The following ATXN7L1 variants were observed in gnomAD, a reference collection of about 807,000 sequenced individuals.
ATXN7L1 encodes the protein ataxin 7 like 1.
In ATXN7L1, 15 loss-of-function variants were observed where a neutral mutation model predicts 70.8. That is an observed-to-expected ratio of 0.21 (90% confidence interval 0.14 to 0.33). The LOEUF (loss-of-function observed/expected upper bound fraction) is 0.33. ATXN7L1 is among the 10% of genes least tolerant of loss of function. The probability of loss-of-function intolerance (pLI) is 1.00; values close to 1 mark genes in which losing one functional copy is unlikely to be tolerated. For synonymous variants in ATXN7L1, 440 were observed against 445.1 expected (o/e 0.99, Z 0.14); for missense variants, 975 against 1,097.1 (o/e 0.89, Z 1.57).
At chr7:105,609,932 C>T (rs1246983485) in intron 11 of ATXN7L1, among the ~76,000 whole-genome samples, 6 of 152,104 alleles carry the variant, frequency 3.9e-5, no homozygotes, top group East Asian at 3.9e-4. Flanking sequence ...CCACCACGCC[C>T]GGTTACTTTT....
At chr7:105,690,298 C>A (rs966552535) in intron 3 of ATXN7L1, among the ~76,000 whole-genome samples, 1 of 152,032 alleles carries the variant, frequency 6.6e-6, no homozygotes, top group East Asian at 1.9e-4. Flanking sequence ...AGCCACCGCG[C>A]CCAGCAAAAA....
intron 2 of ATXN7L1, among the ~76,000 whole-genome samples, chr7:105,833,986 A>C (rs923375049): frequency 1.3e-5 from 2 of 152,202 alleles, no homozygotes; most frequent in African/African-American, 4.8e-5. Flanking sequence ...AGTATTCAAC[A>C]TGGTTTACTG....
chr7:105,845,575 A>G (rs529144554), intron 2 of ATXN7L1, among the ~76,000 whole-genome samples: 5 of 151,762 alleles, frequency 3.3e-5, no homozygotes, highest in Non-Finnish European at 7.4e-5. Flanking sequence ...TGGAAATTCA[A>G]GAAGTTCCTA....
At chr7:105,718,172 G>A (rs1214209888) in intron 3 of ATXN7L1, among the ~76,000 whole-genome samples, 2 of 152,118 alleles carry the variant, frequency 1.3e-5, no homozygotes, top group Non-Finnish European at 2.9e-5. Flanking sequence ...ATGATAGAGC[G>A]GCACCTTGGA....
intron 10 of ATXN7L1, among the ~76,000 whole-genome samples, chr7:105,611,157 G>A (rs1793117517): frequency 6.6e-6 from 1 of 152,204 alleles, no homozygotes; most frequent in Non-Finnish European, 1.5e-5. Flanking sequence ...CCTTCATGTG[G>A]ATGGAGGACA....
At chr7:105,815,875 C>T (rs904218060) in intron 2 of ATXN7L1, among the ~76,000 whole-genome samples, 1 of 152,158 alleles carries the variant, frequency 6.6e-6, no homozygotes, top group Non-Finnish European at 1.5e-5. Context: ...GAGCGTTTGG[C>T]AGATGCCACT....
intron 2 of ATXN7L1, among the ~76,000 whole-genome samples, chr7:105,830,571 A>G (rs1251507911): frequency 6.6e-6 from 1 of 152,278 alleles, no homozygotes; most frequent in Non-Finnish European, 1.5e-5. Context: ...GCCCCACATC[A>G]AAACAGTAAA....
intron 3 of ATXN7L1, among the ~76,000 whole-genome samples, chr7:105,767,406 C>T (rs918039881): frequency 6.6e-6 from 1 of 152,178 alleles, no homozygotes; most frequent in African/African-American, 2.4e-5. Flanking sequence ...CTGCTTCTCT[C>T]CCGCCATGCG....
chr7:105,685,088 A>G (rs182518825), intron 3 of ATXN7L1, among the ~76,000 whole-genome samples: 1,392 of 129,878 alleles, frequency 0.011, 27 homozygotes, highest in African/African-American at 0.038. Context: ...ATAATAATAA[A>G]TGGTTTTCCA....
intron 7 of ATXN7L1, among the ~76,000 whole-genome samples, chr7:105,629,670 C>A (rs1020653391): frequency 6.6e-6 from 1 of 151,132 alleles, no homozygotes; most frequent in African/African-American, 2.4e-5. Context: ...CACCTGCCAC[C>A]ACGCCCGGCT....
chr7:105,740,402 C>CGGAA (rs1227507429), intron 3 of ATXN7L1, among the ~76,000 whole-genome samples: 1 of 152,160 alleles, frequency 6.6e-6, no homozygotes, highest in Non-Finnish European at 1.5e-5. Flanking sequence ...CTCTCTGGGG[C>CGGAA]TTCCAGAACA....
At chr7:105,735,873 A>G (rs1051880171) in intron 3 of ATXN7L1, among the ~76,000 whole-genome samples, 1 of 152,176 alleles carries the variant, frequency 6.6e-6, no homozygotes, top group Non-Finnish European at 1.5e-5. Context: ...TCAAATCTAT[A>G]TTAATCAAGC....
intron 3 of ATXN7L1, among the ~76,000 whole-genome samples, chr7:105,699,606 AGTGCAACCTAGTATTGCAGATAT>A: frequency 6.6e-6 from 1 of 152,360 alleles, no homozygotes; most frequent in East Asian, 1.9e-4. Flanking sequence ...TGAATTTTAC[AGTGCAACCTAGTATTGCAGATAT>A]GTAGATGAGA....
chr7:105,856,218 G>T (rs1815697051), intron 2 of ATXN7L1, among the ~76,000 whole-genome samples: 1 of 152,150 alleles, frequency 6.6e-6, no homozygotes, highest in African/African-American at 2.4e-5. Flanking sequence ...CCTTAGGAAG[G>T]TTGGGGATAT....
At chr7:105,613,135 C>T (rs1331291786) in intron 10 of ATXN7L1, among the ~76,000 whole-genome samples, 2 of 152,194 alleles carry the variant, frequency 1.3e-5, no homozygotes, top group Non-Finnish European at 2.9e-5. Context: ...AGGAGAAGGA[C>T]TAGACTCAGG....
rs543052320 is a variant in ATXN7L1, at chr7:105,745,444, A to G, written c.355+43160T>C. ...GGCCGTGTACGGGAATTCCGTTTGT[A>G]CGCCTCGTACCACTTGACTTACAGG... On this transcript the variant is annotated intron_variant, in intron 3 of 11. Coordinates refer to ENST00000419735, the MANE Select transcript of ATXN7L1 (RefSeq NM_020725.2). Among the ~76,000 whole-genome samples, 11 of 152,264 alleles carry G rather than the reference A, an allele frequency of 7.2e-5. No individual in the cohort carries two copies. In the South Asian group the frequency reaches 1.9e-3, roughly 26 times the overall value.
chr7:105,872,868 C>T (rs1818473059), intron 2 of ATXN7L1, among the ~76,000 whole-genome samples: 1 of 151,514 alleles, frequency 6.6e-6, no homozygotes, highest in Admixed American at 6.6e-5. Context: ...AAAATCGGAA[C>T]CACCCGCCGG....
At chr7:105,841,768 A>C (rs967660165) in intron 2 of ATXN7L1, among the ~76,000 whole-genome samples, 1 of 152,330 alleles carries the variant, frequency 6.6e-6, no homozygotes, top group Admixed American at 6.5e-5. Context: ...GCCTCATTTA[A>C]AAATTAAACT....
intron 3 of ATXN7L1, among the ~76,000 whole-genome samples, chr7:105,713,687 GCACCCA>G (rs1794191318): frequency 2.0e-5 from 3 of 152,238 alleles, no homozygotes; most frequent in Admixed American, 2.0e-4. Context: ...CTGGCTCAGG[GCACCCA>G]TGGCATGCTG....
Sources: allele counts gnomAD v4.1 joint callset (sites outside exome capture counted in the v4.1 genomes callset), GRCh38; gene constraint gnomAD v4.1.1; transcripts MANE v1.5; gene names NCBI Gene and HGNC (gene_info 2026-07-23, HGNC 2026-07-21).